CRB1: variants seen among roughly 807,000 people sequenced by gnomAD.
CRB1 encodes protein crumbs homolog 1.
CRB1 carries 83 observed loss-of-function variants against 120.0 expected under a neutral mutation model. The ratio of observed to expected loss-of-function variants is 0.69; its 90% CI spans 0.58 to 0.83. CRB1 has a LOEUF of 0.83. CRB1 is among the 40% of genes least tolerant of loss of function. CRB1 has a pLI of 0.00. For synonymous variants in CRB1, 625 were observed against 612.5 expected (o/e 1.02, Z -0.30); for missense variants, 1,699 against 1,687.6 (o/e 1.01, Z -0.12).
At chr1:197,240,022 A>G in the CRB1 span, among the ~76,000 whole-genome samples, 1 of 151,742 alleles carries the variant, frequency 6.6e-6, no homozygotes, top group South Asian at 2.1e-4. Flanking sequence ...TTTATGATAT[A>G]ATTATCTCAA....
At chr1:197,445,048 C>T (rs914705501) in intron 11 of CRB1, among the ~76,000 whole-genome samples, 3 of 152,080 alleles carry the variant, frequency 2.0e-5, no homozygotes, top group Non-Finnish European at 4.4e-5. Context: ...GCAAGTAATC[C>T]TCTAGTTGGC....
chr1:197,370,751 C>T (rs1661330011), intron 5 of CRB1, among the ~76,000 whole-genome samples: 1 of 152,146 alleles, frequency 6.6e-6, no homozygotes, highest in Non-Finnish European at 1.5e-5. Context: ...AACTGCACTG[C>T]TCACTACCTC....
intron 5 of CRB1, among the ~76,000 whole-genome samples, chr1:197,383,874 T>A (rs767300869): frequency 1.3e-5 from 2 of 152,110 alleles, no homozygotes; most frequent in Non-Finnish European, 2.9e-5. Context: ...TTTGGGCAAA[T>A]AAAGAGAATA....
intron 11 of CRB1, among the ~76,000 whole-genome samples, chr1:197,470,767 G>T (rs1666946535): frequency 6.6e-6 from 1 of 152,234 alleles, no homozygotes; most frequent in African/African-American, 2.4e-5. Context: ...TAATGCCTAT[G>T]ATGGCTCCTG....
chr1:197,208,063 G>T, the CRB1 span, among the ~76,000 whole-genome samples: 7 of 152,052 alleles, frequency 4.6e-5, no homozygotes, highest in African/African-American at 1.4e-4. Flanking sequence ...TTCATTTCCA[G>T]AAGTTGTGAT....
chr1:197,249,887 G>A, the CRB1 span, among the ~76,000 whole-genome samples: 1 of 151,978 alleles, frequency 6.6e-6, no homozygotes, highest in Non-Finnish European at 1.5e-5. Flanking sequence ...TTGAAACTAA[G>A]GAATAGGCTA....
intron 5 of CRB1, among the ~76,000 whole-genome samples, chr1:197,418,644 G>C (rs1476458865): frequency 1.3e-5 from 2 of 152,148 alleles, no homozygotes; most frequent in Admixed American, 1.3e-4. Flanking sequence ...TTGTCTAAAA[G>C]TTTACACAAA....
Position 197,356,829 on chromosome 1 carries a change from A to G in CRB1, c.989-2A>G. The G allele has an allele frequency of 6.2e-7, 1 of 1,614,194 alleles. No homozygotes were observed. Among genetic ancestry groups the G allele is most frequent in the Non-Finnish European group, 8.5e-7 (1 of 1,180,004 alleles). Reference sequence around the variant, plus strand: ...CAGCTTCTCTGAATTTTCATCATGCAGGATACACAGGTGCCCAGTGTGAGA... The same window carrying G: ...CAGCTTCTCTGAATTTTCATCATGCGGGATACACAGGTGCCCAGTGTGAGA... On this transcript the variant is annotated splice_acceptor_variant, in intron 4 of 11. Coordinates refer to ENST00000367400, the MANE Select transcript of CRB1 (RefSeq NM_201253.3). LOFTEE classifies it high-confidence loss of function.
chr1:197,313,170 C>G (rs1041853079), intron 1 of CRB1, among the ~76,000 whole-genome samples: 1 of 152,270 alleles, frequency 6.6e-6, no homozygotes, highest in South Asian at 2.1e-4. Context: ...GTGCCACACA[C>G]TTTTAAACCA....
rs893929174 is a variant in CRB1, at chr1:197,343,047, G to GT, written c.653-1228dup. 3.9e-5 allele frequency among the ~76,000 whole-genome samples: 6 copies of GT among 152,156 alleles called. No individual in the cohort carries two copies. The South Asian group carries it at 8.3e-4, about 21-fold the overall frequency. On this transcript the variant is annotated intron_variant, in intron 2 of 11. Coordinates refer to ENST00000367400, the MANE Select transcript of CRB1 (RefSeq NM_201253.3). ...CCATTTTCACCGACATAAATTTAGA[G>GT]TTTTTTATTTTTTAAAAAACAATCA... is the stretch of plus-strand genomic sequence containing the variant.
chr1:197,419,222 T>C (rs1664158846), intron 5 of CRB1, among the ~76,000 whole-genome samples: 2 of 152,214 alleles, frequency 1.3e-5, no homozygotes. Context: ...ATTATCAATA[T>C]AGGAATCTTT....
intron 5 of CRB1, among the ~76,000 whole-genome samples, chr1:197,365,267 C>T (rs1005162531): frequency 6.6e-6 from 1 of 152,088 alleles, no homozygotes; most frequent in Non-Finnish European, 1.5e-5. Flanking sequence ...GAAGAGGCTC[C>T]TTTAGTGGGT....
Position 197,328,647 on chromosome 1 carries a change from C to T in CRB1, c.296C>T (p.Pro99Leu), listed in dbSNP as rs1658666146. The change falls in exon 2 of 12, where the codon CCT (proline) becomes CTT (leucine). Residue 99 changes from proline to leucine, a missense_variant. By Grantham distance (98) the Pro-to-Leu change is moderately conservative. Coordinates refer to ENST00000367400, the MANE Select transcript of CRB1 (RefSeq NM_201253.3). ...PGERSFLCKC[P>L]PGYSGTICET... ...GAAAGGAGCTTTCTGTGCAAATGTC[C>T]TCCTGGGTACAGTGGGACAATCTGT... 6.2e-7 allele frequency: 1 copy of T among 1,614,070 alleles called. No individual in the cohort carries two copies. The highest frequency in any genetic ancestry group is 8.5e-7 in the Non-Finnish European group (1 of 1,180,028).
chr1:197,244,743 GT>G, the CRB1 span, among the ~76,000 whole-genome samples: 4 of 150,848 alleles, frequency 2.7e-5, no homozygotes, highest in South Asian at 2.1e-4. Context: ...TCTTCAAATA[GT>G]TTTTTTTTCT....
intron 1 of CRB1, among the ~76,000 whole-genome samples, chr1:197,302,768 A>AC (rs1280249858): frequency 2.0e-5 from 3 of 152,216 alleles, no homozygotes; most frequent in Non-Finnish European, 2.9e-5. Flanking sequence ...TTAACTAGGG[A>AC]CACAAGAGCC....
At chr1:197,360,636 T>A (rs1660723060) in intron 5 of CRB1, among the ~76,000 whole-genome samples, 1 of 152,180 alleles carries the variant, frequency 6.6e-6, no homozygotes, top group African/African-American at 2.4e-5. Flanking sequence ...AAAATATGAT[T>A]GTTTCTTGGT....
intron 11 of CRB1, among the ~76,000 whole-genome samples, chr1:197,453,656 A>G (rs1666098626): frequency 6.8e-6 from 1 of 146,000 alleles, no homozygotes. Context: ...AACTCATTGC[A>G]GCCTCAAACT....
chr1:197,414,605 A>T (rs1663876245), intron 5 of CRB1, among the ~76,000 whole-genome samples: 1 of 152,194 alleles, frequency 6.6e-6, no homozygotes, highest in Non-Finnish European at 1.5e-5. Context: ...TTAAGCAAAT[A>T]ACAATAAGCT....
At chr1:197,298,707 A>C (rs1656684900) in intron 1 of CRB1, among the ~76,000 whole-genome samples, 1 of 152,160 alleles carries the variant, frequency 6.6e-6, no homozygotes, top group South Asian at 2.1e-4. Context: ...TATATAAAAC[A>C]AAGACTCAGA....
Sources: allele counts gnomAD v4.1 joint callset (sites outside exome capture counted in the v4.1 genomes callset), GRCh38; gene constraint gnomAD v4.1.1; transcripts MANE v1.5; gene names NCBI Gene and HGNC (gene_info 2026-07-23, HGNC 2026-07-21).